The following MICU2 variants were observed in gnomAD, a reference collection of about 807,000 sequenced individuals.
The protein encoded by MICU2 is mitochondrial calcium uptake 2.
Under a neutral mutation model 60.4 loss-of-function variants are expected in MICU2, and 64 were observed. The ratio of observed to expected loss-of-function variants is 1.06; its 90% confidence interval spans 0.87 to 1.31. The LOEUF (loss-of-function observed/expected upper bound fraction) is 1.31. MICU2 is among the 50% of genes most tolerant of loss of function. The pLI is 0.00. For synonymous variants in MICU2, 201 were observed against 175.0 expected (o/e 1.15, Z -1.17); for missense variants, 569 against 531.0 (o/e 1.07, Z -0.70).
intron 1 of MICU2, among the ~76,000 whole-genome samples, chr13:21,591,070 A>G (rs1265344212): frequency 6.6e-6 from 1 of 152,216 alleles, no homozygotes; most frequent in Non-Finnish European, 1.5e-5. Flanking sequence ...AAATGCCCCA[A>G]TAAAAAGACA....
intron 2 of MICU2, among the ~76,000 whole-genome samples, chr13:21,561,059 T>G (rs1887828626): frequency 6.6e-6 from 1 of 152,236 alleles, no homozygotes; most frequent in Non-Finnish European, 1.5e-5. Context: ...ACCCATGTGT[T>G]ATTTAAAAGT....
In MICU2 at chr13:21,521,282, T is replaced by A; in HGVS notation, c.560A>T (p.Asp187Val). The change falls in exon 6 of 12, where the codon GAT becomes GTT. Residue 187 changes from aspartate to valine, a missense_variant. By Grantham distance (152) the Asp-to-Val change is radical. Transcript: ENST00000382374. ...CCTTTTTTCAATCATCTCATTACCA[T>A]CTGTATCCAGCATTTTAAAAGCAAC... ...FHVAFKMLDT[D>V]GNEMIEKREF... 6.2e-7 allele frequency: 1 copy of A among 1,610,456 alleles called. No individual in the cohort carries two copies. Among genetic ancestry groups the A allele is most frequent in the Non-Finnish European group, 8.5e-7 (1 of 1,178,886 alleles).
intron 1 of MICU2, among the ~76,000 whole-genome samples, chr13:21,581,207 T>C (rs1228861554): frequency 6.6e-6 from 1 of 152,194 alleles, no homozygotes; most frequent in Non-Finnish European, 1.5e-5. Flanking sequence ...AACCTCCACC[T>C]CCTGGGTTCA....
intron 1 of MICU2, among the ~76,000 whole-genome samples, chr13:21,597,180 A>T (rs1045658798): frequency 6.6e-6 from 1 of 152,234 alleles, no homozygotes; most frequent in Non-Finnish European, 1.5e-5. Flanking sequence ...ACAAAGGTAT[A>T]TCTATTATTA....
intron 4 of MICU2, among the ~76,000 whole-genome samples, chr13:21,534,212 C>CT (rs10587307): frequency 0.34 from 50,471 of 147,326 alleles, 8,821 homozygotes; most frequent in South Asian, 0.41. Context: ...TTTTCCTTTC[C>CT]TTTTTTTTTT....
chr13:21,590,784 G>A (rs1888562810), intron 1 of MICU2, among the ~76,000 whole-genome samples: 1 of 152,184 alleles, frequency 6.6e-6, no homozygotes, highest in Non-Finnish European at 1.5e-5. Flanking sequence ...GAACCCAAGA[G>A]GTGCAGGTGG....
At chr13:21,599,999 C>A (rs1024609927) in intron 1 of MICU2, among the ~76,000 whole-genome samples, 15 of 152,130 alleles carry the variant, frequency 9.9e-5, no homozygotes, top group African/African-American at 3.6e-4. Flanking sequence ...AAACATTAAA[C>A]AATTTATGAA....
intron 1 of MICU2, among the ~76,000 whole-genome samples, chr13:21,597,709 A>T (rs1593362473): frequency 6.6e-6 from 1 of 152,108 alleles, no homozygotes; most frequent in East Asian, 1.9e-4. Context: ...AGGCGGGTGG[A>T]TCACGAGGTC....
chr13:21,596,411 G>A (rs1378699969), intron 1 of MICU2, among the ~76,000 whole-genome samples: 2 of 149,876 alleles, frequency 1.3e-5, no homozygotes, highest in Admixed American at 1.3e-4. Flanking sequence ...TGAAGCCTAA[G>A]TCAGCCACAT....
chr13:21,593,586 A>AC (rs906536681), intron 1 of MICU2, among the ~76,000 whole-genome samples: 2 of 149,168 alleles, frequency 1.3e-5, no homozygotes, highest in East Asian at 1.9e-4. Flanking sequence ...AAAAAAAAAA[A>AC]AAAAAAAACA....
At chr13:21,517,439 T>C (rs1886597543) in intron 6 of MICU2, among the ~76,000 whole-genome samples, 1 of 152,214 alleles carries the variant, frequency 6.6e-6, no homozygotes, top group South Asian at 2.1e-4. Context: ...TTTTTTGATG[T>C]GAAAAGAACT....
At chr13:21,537,016 C>T (rs1369644726) in intron 4 of MICU2, among the ~76,000 whole-genome samples, 1 of 152,244 alleles carries the variant, frequency 6.6e-6, no homozygotes, top group Non-Finnish European at 1.5e-5. Context: ...TGCTCTTGGA[C>T]ATCCACTACA....
chr13:21,495,785 T>C (rs1313552591), intron 10 of MICU2: 3 of 285,654 alleles, frequency 1.1e-5, no homozygotes, highest in Non-Finnish European at 2.0e-5. Flanking sequence ...CCGCCCACCT[T>C]GGACTCCCAA....
At chr13:21,533,359 T>C (rs1887050918) in intron 4 of MICU2, among the ~76,000 whole-genome samples, 1 of 150,484 alleles carries the variant, frequency 6.6e-6, no homozygotes, top group South Asian at 2.1e-4. Context: ...AGTCTTGCTC[T>C]GTCTCCCAGG....
At chr13:21,589,720 C>T (rs914610701) in intron 1 of MICU2, among the ~76,000 whole-genome samples, 1 of 152,156 alleles carries the variant, frequency 6.6e-6, no homozygotes, top group Non-Finnish European at 1.5e-5. Flanking sequence ...CCTATTCCAC[C>T]CTGACTTCAT....
At chr13:21,499,637 T>TCC (rs1423236121) in intron 9 of MICU2, among the ~76,000 whole-genome samples, 4 of 151,362 alleles carry the variant, frequency 2.6e-5, no homozygotes, top group Non-Finnish European at 5.9e-5. Context: ...TTCTCAATCT[T>TCC]CTGACCTCAT....
intron 1 of MICU2, among the ~76,000 whole-genome samples, chr13:21,591,011 C>T (rs979615449): frequency 1.3e-5 from 2 of 152,126 alleles, no homozygotes; most frequent in African/African-American, 4.8e-5. Context: ...ATCATGATGA[C>T]AGGATCAAAT....
At chr13:21,583,733 C>T (rs1226263877) in intron 1 of MICU2, among the ~76,000 whole-genome samples, 1 of 152,180 alleles carries the variant, frequency 6.6e-6, no homozygotes. Flanking sequence ...TGGAGCATTC[C>T]AAGCATTCCA....
intron 6 of MICU2, among the ~76,000 whole-genome samples, chr13:21,515,024 A>C (rs1311546038): frequency 6.6e-6 from 1 of 152,108 alleles, no homozygotes; most frequent in Non-Finnish European, 1.5e-5. Context: ...TGTCCTTTCA[A>C]GATAATTTTT....
Sources: gnomAD v4.1 joint callset for allele counts (sites outside exome capture counted in the v4.1 genomes callset) on GRCh38, gnomAD v4.1.1 for gene constraint, MANE v1.5 for transcripts, NCBI Gene and HGNC (gene_info 2026-07-23, HGNC 2026-07-21) for gene names.